Variants in ALDH1A3 observed in about 807,000 individuals in gnomAD.
ALDH1A3 encodes retinaldehyde dehydrogenase 3.
In ALDH1A3, 28 loss-of-function variants were observed where a neutral mutation model predicts 57.5. The ratio of observed to expected loss-of-function variants is 0.49; its 90% confidence interval spans 0.36 to 0.67. ALDH1A3 has a LOEUF of 0.67. Ranked by LOEUF, ALDH1A3 falls within the 30% of genes least tolerant of loss-of-function variation. The probability of loss-of-function intolerance (pLI) is 0.00; values close to 1 mark genes in which losing one functional copy is unlikely to be tolerated. For missense variants in ALDH1A3, 507 were observed against 669.4 expected (o/e 0.76, Z 2.68); for synonymous variants, 281 against 264.8 (o/e 1.06, Z -0.59).
intron 2 of ALDH1A3, among the ~76,000 whole-genome samples, chr15:100,886,595 C>A (rs1034892480): frequency 9.2e-5 from 14 of 152,214 alleles, no homozygotes; most frequent in African/African-American, 3.4e-4. Flanking sequence ...TGACTGGTGT[C>A]CCACATCCAC....
chr15:100,905,833 T>A, intron 10 of ALDH1A3, 146 bp downstream of exon 10: 1 of 935,382 alleles, frequency 1.1e-6, no homozygotes, highest in Non-Finnish European at 1.5e-6. Context: ...TTTTTCTGTG[T>A]GGTCTTTCCC....
At chr15:100,886,730 A>C (rs1185483344) in intron 2 of ALDH1A3, among the ~76,000 whole-genome samples, 1 of 152,214 alleles carries the variant, frequency 6.6e-6, no homozygotes, top group Non-Finnish European at 1.5e-5. Flanking sequence ...TTCCTTTTAG[A>C]AAGAAGGTTC....
At chr15:100,911,747 A>G (rs1392728794) in intron 12 of ALDH1A3, among the ~76,000 whole-genome samples, 3 of 152,224 alleles carry the variant, frequency 2.0e-5, no homozygotes, top group Non-Finnish European at 2.9e-5. Context: ...TAAGAGCAGC[A>G]AGAATTTGAA....
rs1387666634 is a variant in ALDH1A3, at chr15:100,889,211, G to C, written c.345+1499G>C. 6.6e-6 allele frequency: 1 copy of C among 152,170 alleles called. No homozygotes were observed. The highest frequency in any genetic ancestry group is 2.4e-5 in the African/African-American group (1 of 41,432). The allele number at this position is 152,170 out of a possible 1,614,324, so 9.4% of individuals were successfully genotyped here. On this transcript the variant is annotated intron_variant, in intron 3 of 12. Coordinates refer to ENST00000329841, the MANE Select transcript of ALDH1A3 (RefSeq NM_000693.4). The surrounding 1 kb of genome is among the most constrained non-coding windows in gnomAD (Gnocchi z 5.1). ...TTTCTGGCCTTTGATTTGGAAAAAT[G>C]GTTTTTCTGATGTCGGGAACAAGCA...
At chr15:100,881,422 G>A (rs1307804548) in intron 1 of ALDH1A3, 1 of 152,188 alleles carries the variant, frequency 6.6e-6, no homozygotes, top group Non-Finnish European at 1.5e-5. Flanking sequence ...TGGTTAAGTG[G>A]GGAGGTTGTT....
chr15:100,898,097 T>G lies in ALDH1A3; in HGVS notation c.795T>G (p.Val265=). ...CTGTCCTGGAGGTTGGAAAACTGGT[T>G]AAAGAAGCTGCGTCCCGGAGCAATC... ...FTGSTEVGKL[V]KEAASRSNLK... The change falls in exon 8 of 13, where the codon GTT becomes GTG. Residue 265 remains valine (V), a synonymous_variant. Coordinates refer to ENST00000329841, the MANE Select transcript of ALDH1A3 (RefSeq NM_000693.4). 6.2e-7 allele frequency: 1 copy of G among 1,614,012 alleles called. No homozygotes were observed. The highest frequency in any genetic ancestry group is 1.7e-5 in the Admixed American group (1 of 60,004).
Position 100,894,388 on chromosome 15 carries a change from C to A in ALDH1A3, c.666+306C>A. 3.7e-6 allele frequency: 1 copy of A among 269,072 alleles called. No homozygotes were observed. The highest frequency in any genetic ancestry group is 7.1e-6 in the Non-Finnish European group (1 of 140,642). 16.7% of individuals were successfully genotyped at this position (269,072 alleles called of 1,614,324 possible). On this transcript the variant is annotated intron_variant, in intron 6 of 12. Coordinates refer to ENST00000329841, the MANE Select transcript of ALDH1A3 (RefSeq NM_000693.4). This position sits in a 1 kb window ranked among gnomAD's most constrained non-coding sequence, Gnocchi z 4.5. ...TCAGGGGGGGTCAACCAAGAGGGAG[C>A]CAAATATTTGGGAGGTTCTCTGGGA...
chr15:100,892,703 A>G (rs2041662297), intron 4 of ALDH1A3, 64 bp downstream of exon 4: 1 of 1,547,394 alleles, frequency 6.5e-7, no homozygotes, highest in Admixed American at 2.1e-5. Flanking sequence ...TCATTAATCC[A>G]GAGCCCCCCC....
Position 100,893,218 on chromosome 15 carries a change from A to G in ALDH1A3, c.537+212A>G. The G allele has an allele frequency of 2.2e-6, 1 of 456,256 alleles. No homozygotes were observed. Among genetic ancestry groups the G allele is most frequent in the Non-Finnish European group, 3.9e-6 (1 of 258,986 alleles). 28.3% of individuals were successfully genotyped at this position (456,256 alleles called of 1,614,324 possible). A position where few individuals can be genotyped will look rare whatever the true frequency, so the allele number is the denominator to read the frequency against. Reference sequence around the variant, plus strand: ...AAGACCGGCTTTAGGCATGCCACAGAAAGCACTGTGGTTCCCAGCCAGAGT... The same window carrying G: ...AAGACCGGCTTTAGGCATGCCACAGGAAGCACTGTGGTTCCCAGCCAGAGT... On this transcript the variant is annotated intron_variant, in intron 5 of 12. Coordinates refer to ENST00000329841, the MANE Select transcript of ALDH1A3 (RefSeq NM_000693.4). The surrounding 1 kb of genome is among the most constrained non-coding windows in gnomAD (Gnocchi z 4.8).
At chr15:100,908,573 A>C (rs1163717515) in intron 12 of ALDH1A3, 91 bp downstream of exon 12, 200 of 1,194,182 alleles carry the variant, frequency 1.7e-4, no homozygotes, top group Middle Eastern at 3.9e-4. Context: ...ATCTGCTGAC[A>C]CCCCGTCCCC....
Position 100,894,073 on chromosome 15 carries a change from G to C in ALDH1A3, c.657G>C (p.Leu219=). Residue 219 remains leucine, a synonymous_variant, in exon 6 of 13, where the codon CTG becomes CTC. Coordinates refer to ENST00000329841, the MANE Select transcript of ALDH1A3 (RefSeq NM_000693.4). The surrounding 1 kb of genome is among the most constrained non-coding windows in gnomAD (Gnocchi z 4.5). The part of the protein sequence containing the change: ...TPLTALYLGS[L]IKEAGFPPGV... ...TCACCGCCCTTTATCTCGGCTCTCT[G>C]ATCAAAGAGGTGAGACATCCAAAAA... 6.2e-7 allele frequency: 1 copy of C among 1,613,990 alleles called. No homozygotes were observed. Among genetic ancestry groups the C allele is most frequent in the Non-Finnish European group, 8.5e-7 (1 of 1,179,966 alleles).
At chr15:100,907,535 G>C (rs929705742) in intron 11 of ALDH1A3, among the ~76,000 whole-genome samples, 11 of 152,130 alleles carry the variant, frequency 7.2e-5, no homozygotes, top group African/African-American at 2.4e-4. Flanking sequence ...GGCCGAGAGG[G>C]CTCCAGTACC....
At chr15:100,899,611 G>A (rs1379049582) in intron 8 of ALDH1A3, among the ~76,000 whole-genome samples, 4 of 151,988 alleles carry the variant, frequency 2.6e-5, no homozygotes, top group Admixed American at 1.3e-4. Context: ...CCCTAGCTCC[G>A]TCAGGAGCAG....
At chr15:100,892,054 C>T (rs1395768573) in intron 3 of ALDH1A3, 1 of 168,706 alleles carries the variant, frequency 5.9e-6, no homozygotes, top group African/African-American at 2.4e-5. Flanking sequence ...TTCTCTTTCT[C>T]TTTTGTTCGA....
intron 12 of ALDH1A3, among the ~76,000 whole-genome samples, chr15:100,909,492 A>G (rs1396076568): frequency 2.4e-5 from 1 of 41,936 alleles, no homozygotes; most frequent in African/African-American, 7.5e-5. Flanking sequence ...AACCCACTGC[A>G]AACCCCAGTG....
intron 12 of ALDH1A3, chr15:100,913,448 A>G (rs2041901966): frequency 6.6e-6 from 1 of 152,172 alleles, no homozygotes; most frequent in African/African-American, 2.4e-5. Flanking sequence ...CCCATCCTCC[A>G]TCTTCAAAGC....
chr15:100,900,657 G>A lies in ALDH1A3; in HGVS notation c.966G>A (p.Val322=), dbSNP rs759261351. The A allele has an allele frequency of 1.2e-5, 19 of 1,613,822 alleles. No individual in the cohort carries two copies. The highest frequency in any genetic ancestry group is 1.6e-5 in the Non-Finnish European group (19 of 1,179,954). The change falls in exon 9 of 13, where the codon GTG becomes GTA. Residue 322 remains valine, a synonymous_variant. Transcript: ENST00000329841. The stretch of plus-strand genomic sequence containing the variant: ...GCACGGCAGCCTCCAGGGTGTTCGT[G>A]GAGGAGCAGGTCTACTCTGAGTTTG... ...QCCTAASRVF[V]EEQVYSEFVR...
chr15:100,890,817 T>C (rs1237211347), intron 3 of ALDH1A3, among the ~76,000 whole-genome samples: 1 of 152,220 alleles, frequency 6.6e-6, no homozygotes, highest in African/African-American at 2.4e-5. Context: ...GCAGATACTG[T>C]CTGGAATAGG....
At chr15:100,890,481 C>G (rs2041637814) in intron 3 of ALDH1A3, among the ~76,000 whole-genome samples, 1 of 152,144 alleles carries the variant, frequency 6.6e-6, no homozygotes, top group Non-Finnish European at 1.5e-5. Flanking sequence ...TAAAACTAAC[C>G]TGGTAAATTC....
Sources: gnomAD v4.1 joint callset for allele counts (sites outside exome capture counted in the v4.1 genomes callset) on GRCh38, gnomAD v4.1.1 for gene constraint, Gnocchi (gnomAD v3.1) non-coding constraint, MANE v1.5 for transcripts, NCBI Gene and HGNC (gene_info 2026-07-23, HGNC 2026-07-21) for gene names.